FKBP5: variants seen among roughly 807,000 people sequenced by gnomAD.
FKBP5 encodes the protein peptidyl-prolyl cis-trans isomerase FKBP5.
Under a neutral mutation model 50.5 loss-of-function variants are expected in FKBP5, and 23 were observed. The ratio of observed to expected loss-of-function variants is 0.46; its 90% CI spans 0.33 to 0.65. FKBP5 has a LOEUF of 0.65. Ranked by LOEUF, FKBP5 falls within the 30% of genes least tolerant of loss-of-function variation. The pLI is 0.02. For synonymous variants in FKBP5, 176 were observed against 190.6 expected (o/e 0.92, Z 0.63); for missense variants, 411 against 553.1 (o/e 0.74, Z 2.58).
chr6:35,598,487 C>T (rs553999438), intron 5 of FKBP5, among the ~76,000 whole-genome samples: 37 of 151,898 alleles, frequency 2.4e-4, no homozygotes, highest in South Asian at 1.0e-3. Context: ...CCTCCCAAAG[C>T]GCTGGGATTA....
chr6:35,716,021 G>A (rs1161917593), intron 2 of FKBP5, among the ~76,000 whole-genome samples: 1 of 152,146 alleles, frequency 6.6e-6, no homozygotes, highest in African/African-American at 2.4e-5. Context: ...GATGAGGTAG[G>A]GGAGGGCAGA....
rs1347765953 is a variant in FKBP5 at position 35,631,901 on chromosome 6, G to A, written c.250+5113C>T. 2.0e-5 allele frequency among the ~76,000 whole-genome samples: 3 copies of A among 149,210 alleles called. No homozygotes were observed. The East Asian group carries it at 5.9e-4, about 29-fold the overall frequency. On this transcript the variant is annotated intron_variant, in intron 3 of 10. Transcript: ENST00000357266. ...ATCCGGGAGGCGGAGGTTGCAATGAGCGGAGATCACGCCACTGCACTCCAG... is the reference window on the plus strand; with the variant it reads ...ATCCGGGAGGCGGAGGTTGCAATGAACGGAGATCACGCCACTGCACTCCAG...
intron 5 of FKBP5, among the ~76,000 whole-genome samples, chr6:35,601,040 G>C (rs1215810075): frequency 6.6e-6 from 1 of 152,194 alleles, no homozygotes; most frequent in African/African-American, 2.4e-5. Flanking sequence ...ATTGTAGCTA[G>C]TCTTCTCAGA....
chr6:35,648,069 T>G (rs1316615374), intron 1 of FKBP5, among the ~76,000 whole-genome samples: 1 of 151,264 alleles, frequency 6.6e-6, no homozygotes, highest in Non-Finnish European at 1.5e-5. Flanking sequence ...AAAAAGCTAC[T>G]GATGTCTGGA....
intron 2 of FKBP5, among the ~76,000 whole-genome samples, chr6:35,700,936 G>A (rs1766170171): frequency 6.6e-6 from 1 of 151,796 alleles, no homozygotes; most frequent in Admixed American, 6.6e-5. Flanking sequence ...TCCAGCCTGG[G>A]CAACAGACCA....
intron 1 of FKBP5, among the ~76,000 whole-genome samples, chr6:35,681,012 G>GA (rs1435311177): frequency 6.6e-6 from 1 of 152,188 alleles, no homozygotes; most frequent in Non-Finnish European, 1.5e-5. Flanking sequence ...AGTCTTTAGT[G>GA]AAAAGCAGTA....
intron 2 of FKBP5, among the ~76,000 whole-genome samples, chr6:35,703,946 G>A (rs1766235751): frequency 6.6e-6 from 1 of 152,184 alleles, no homozygotes; most frequent in Non-Finnish European, 1.5e-5. Flanking sequence ...GGTGGTAGCA[G>A]CCATTTTCTC....
At chr6:35,672,829 C>T (rs1167971229) in intron 1 of FKBP5, among the ~76,000 whole-genome samples, 1 of 151,128 alleles carries the variant, frequency 6.6e-6, no homozygotes, top group Non-Finnish European at 1.5e-5. Context: ...AGTCGGGGGG[C>T]TGAGGCAGGA....
At chr6:35,710,515 G>C (rs1461114744) in intron 2 of FKBP5, among the ~76,000 whole-genome samples, 2 of 152,132 alleles carry the variant, frequency 1.3e-5, no homozygotes, top group Non-Finnish European at 2.9e-5. Flanking sequence ...CCAAGAGCTG[G>C]TCAAAATGTG....
At position 35,575,806 on chromosome 6, in the gene FKBP5, A is replaced by C. The variant is rs201133428; in HGVS notation, c.*29T>G. ...AGCCCATTGAGGAGGGGCCGAGTTC[A>C]CTGGGACTCTTCCCTCCTTGGCGTG... On this transcript the variant is annotated 3_prime_UTR_variant, in exon 11 of 11. Coordinates refer to ENST00000357266, the MANE Select transcript of FKBP5 (RefSeq NM_004117.4). The C allele has an allele frequency of 6.9e-7, 1 of 1,453,400 alleles. No individual in the cohort carries two copies. Among genetic ancestry groups the C allele is most frequent in the Non-Finnish European group, 9.7e-7 (1 of 1,033,220 alleles). 90.0% of individuals were successfully genotyped at this position (1,453,400 alleles called of 1,614,324 possible).
chr6:35,593,092 C>A (rs1762870380), intron 6 of FKBP5, among the ~76,000 whole-genome samples: 1 of 152,152 alleles, frequency 6.6e-6, no homozygotes, highest in Non-Finnish European at 1.5e-5. Context: ...AGGTGGAAGC[C>A]CACGCCAAGA....
chr6:35,655,140 A>C (rs552133981), intron 1 of FKBP5, among the ~76,000 whole-genome samples: 4 of 152,280 alleles, frequency 2.6e-5, no homozygotes, highest in Non-Finnish European at 5.9e-5. Context: ...TGGCCAACAT[A>C]GTGAGACCCC....
At chr6:35,638,198 T>G (rs944690083) in intron 2 of FKBP5, among the ~76,000 whole-genome samples, 41 of 152,220 alleles carry the variant, frequency 2.7e-4, no homozygotes, top group African/African-American at 9.6e-4. Context: ...ATTTGTAATC[T>G]ATGCCAAATT....
At chr6:35,675,811 A>G (rs1765510324) in intron 1 of FKBP5, among the ~76,000 whole-genome samples, 1 of 152,200 alleles carries the variant, frequency 6.6e-6, no homozygotes, top group African/African-American at 2.4e-5. Context: ...ATCGAAACTT[A>G]GGATTTTAAC....
chr6:35,669,822 T>G (rs1213763764), intron 1 of FKBP5, among the ~76,000 whole-genome samples: 1 of 152,184 alleles, frequency 6.6e-6, no homozygotes. Flanking sequence ...TTCTGAAAAA[T>G]TGAAAAAGCT....
chr6:35,692,369 C>T (rs1199110864), upstream of FKBP5, among the ~76,000 whole-genome samples: 3 of 152,156 alleles, frequency 2.0e-5, no homozygotes, highest in Non-Finnish European at 4.4e-5. Flanking sequence ...CAACTTTCTC[C>T]AGGTGGCACA....
intron 2 of FKBP5, among the ~76,000 whole-genome samples, chr6:35,698,608 C>T (rs1766125805): frequency 6.6e-6 from 1 of 152,130 alleles, no homozygotes; most frequent in African/African-American, 2.4e-5. Context: ...GATTGCGCCA[C>T]TGCATTCCAG....
intron 2 of FKBP5, among the ~76,000 whole-genome samples, chr6:35,697,174 C>T (rs1324981539): frequency 2.0e-5 from 3 of 152,088 alleles, no homozygotes; most frequent in Non-Finnish European, 4.4e-5. Context: ...AAAAGGTGGG[C>T]CCAATTCAAA....
At chr6:35,701,248 G>GT (rs552906381) in intron 2 of FKBP5, among the ~76,000 whole-genome samples, 8,445 of 139,218 alleles carry the variant, frequency 0.061, 274 homozygotes, top group South Asian at 0.081. Flanking sequence ...TTGTTTTTTT[G>GT]TTTTTTTTTT....
Sources: allele counts gnomAD v4.1 joint callset (sites outside exome capture counted in the v4.1 genomes callset), GRCh38; gene constraint gnomAD v4.1.1; transcripts MANE v1.5; gene names NCBI Gene and HGNC (gene_info 2026-07-23, HGNC 2026-07-21).